PDE11A: variants seen among roughly 807,000 people sequenced by gnomAD.
The protein encoded by PDE11A is phosphodiesterase 11A.
Under a neutral mutation model 100.5 loss-of-function variants are expected in PDE11A, and 100 were observed. The observed-to-expected ratio is 1.00, with a 90% CI of 0.85 to 1.18. The LOEUF (loss-of-function observed/expected upper bound fraction) is 1.18, where lower values mean the gene tolerates loss of function less well. Among genes scored for constraint, PDE11A ranks in the 50% most tolerant of loss-of-function variants. PDE11A has a pLI of 0.00. For missense variants in PDE11A, 1,141 were observed against 1,152.6 expected (o/e 0.99, Z 0.15); for synonymous variants, 381 against 420.8 (o/e 0.91, Z 1.16).
chr2:178,097,933 A>T (rs1466626082), intron 2 of PDE11A, among the ~76,000 whole-genome samples: 2 of 152,246 alleles, frequency 1.3e-5, no homozygotes, highest in African/African-American at 4.8e-5. Flanking sequence ...AAAGGCACTG[A>T]ATCTATCAAT....
intron 2 of PDE11A, among the ~76,000 whole-genome samples, chr2:177,949,261 C>G (rs1002441499): frequency 6.8e-6 from 1 of 147,264 alleles, no homozygotes; most frequent in East Asian, 2.0e-4. Flanking sequence ...AAATACATCT[C>G]TAGTTTAAAA....
chr2:177,997,488 T>C, intron 2 of PDE11A: 1 of 808,000 alleles, frequency 1.2e-6, no homozygotes, highest in South Asian at 1.4e-5. Context: ...AAGAGATCCT[T>C]GATTAAAACA....
At chr2:178,054,086 C>T (rs988255706) in intron 1 of PDE11A, among the ~76,000 whole-genome samples, 13 of 151,804 alleles carry the variant, frequency 8.6e-5, no homozygotes, top group Admixed American at 8.5e-4. Flanking sequence ...AAGCTGGAGG[C>T]GTCGCGCTAC....
chr2:178,025,600 C>T (rs1172782081), intron 1 of PDE11A, among the ~76,000 whole-genome samples: 1 of 152,030 alleles, frequency 6.6e-6, no homozygotes, highest in Non-Finnish European at 1.5e-5. Flanking sequence ...AAGACCCACA[C>T]CACACTTGAA....
At chr2:178,090,907 C>T (rs956039526) in intron 2 of PDE11A, among the ~76,000 whole-genome samples, 5 of 152,110 alleles carry the variant, frequency 3.3e-5, no homozygotes, top group Admixed American at 3.3e-4. Flanking sequence ...CACTGGGCTC[C>T]ATGAGGAGCG....
At chr2:178,039,885 A>G (rs184485253) in intron 1 of PDE11A, among the ~76,000 whole-genome samples, 1 of 152,252 alleles carries the variant, frequency 6.6e-6, no homozygotes. Flanking sequence ...ACAAAGTTCA[A>G]AAGCAGGCAA....
intron 19 of PDE11A, among the ~76,000 whole-genome samples, chr2:177,646,425 C>A (rs10497493): frequency 6.6e-6 from 1 of 152,082 alleles, no homozygotes; most frequent in South Asian, 2.1e-4. Context: ...TCATATGTGA[C>A]CTGATTACAA....
chr2:177,855,055 T>C (rs1308119724), intron 5 of PDE11A, among the ~76,000 whole-genome samples: 4 of 152,154 alleles, frequency 2.6e-5, no homozygotes, highest in Non-Finnish European at 4.4e-5. Flanking sequence ...TATAAAGGTT[T>C]TCTTCATTTC....
intron 2 of PDE11A, among the ~76,000 whole-genome samples, chr2:177,933,297 T>C (rs1012993684): frequency 6.6e-6 from 1 of 152,148 alleles, no homozygotes; most frequent in Non-Finnish European, 1.5e-5. Context: ...AAACTACCAA[T>C]GTCATTTTTC....
At chr2:177,672,966 G>A (rs3821006) in intron 17 of PDE11A, among the ~76,000 whole-genome samples, 87,803 of 152,006 alleles carry the variant, frequency 0.58, 29,715 homozygotes, top group Non-Finnish European at 0.72. Context: ...AAAATGGCTC[G>A]ATTAAATGAT....
chr2:178,084,218 A>G (rs777048479), intron 2 of PDE11A, among the ~76,000 whole-genome samples: 1 of 152,236 alleles, frequency 6.6e-6, no homozygotes, highest in African/African-American at 2.4e-5. Flanking sequence ...AGGTAAAAAG[A>G]CCATGTTTAT....
rs535707972 is a variant in PDE11A at position 177,784,927 on chromosome 2, ATC to A, written c.1738-15556_1738-15555del. Among the ~76,000 whole-genome samples the A allele has an allele frequency of 8.5e-5, 13 of 152,324 alleles. No individual in the cohort carries two copies. The South Asian group carries it at 2.7e-3, about 32-fold the overall frequency. ...TTGCAGGGGTCAGTGGTAGGATTTA[ATC>A]TGTTTATACGGATTAACTGCTGTAT... On this transcript the variant is annotated intron_variant, in intron 9 of 19. Coordinates refer to ENST00000286063, the MANE Select transcript of PDE11A (RefSeq NM_016953.4).
intron 1 of PDE11A, among the ~76,000 whole-genome samples, chr2:178,037,643 T>C (rs989340664): frequency 2.0e-5 from 3 of 152,122 alleles, no homozygotes; most frequent in Non-Finnish European, 4.4e-5. Flanking sequence ...AATGATAGAC[T>C]GGATAAAGAA....
chr2:177,944,752 C>A (rs1357918897), intron 2 of PDE11A, among the ~76,000 whole-genome samples: 1 of 151,746 alleles, frequency 6.6e-6, no homozygotes, highest in Non-Finnish European at 1.5e-5. Flanking sequence ...GAGCGTGGAG[C>A]CTCCGAGGCC....
chr2:177,913,455 TAAAAG>T (rs925193250), intron 2 of PDE11A, among the ~76,000 whole-genome samples: 23 of 152,074 alleles, frequency 1.5e-4, no homozygotes, highest in Admixed American at 1.2e-3. Flanking sequence ...TACTTTTTGC[TAAAAG>T]AAAACAGTAG....
chr2:177,944,010 G>A (rs2085374821), intron 2 of PDE11A, among the ~76,000 whole-genome samples: 1 of 152,180 alleles, frequency 6.6e-6, no homozygotes, highest in South Asian at 2.1e-4. Context: ...ACATTCAGAA[G>A]TTAATGTTGA....
chr2:177,850,688 AG>A (rs2083685353), intron 5 of PDE11A, among the ~76,000 whole-genome samples: 3 of 152,346 alleles, frequency 2.0e-5, no homozygotes, highest in African/African-American at 7.2e-5. Context: ...CAAATTTACA[AG>A]AAAAAAACAA....
chr2:177,834,547 C>T (rs2083362034), intron 6 of PDE11A, among the ~76,000 whole-genome samples: 2 of 152,228 alleles, frequency 1.3e-5, no homozygotes, highest in East Asian at 1.9e-4. Context: ...CTGCCCCACT[C>T]CCCTCCTGTC....
chr2:177,932,244 A>C (rs77541562), intron 2 of PDE11A, among the ~76,000 whole-genome samples: 1,783 of 152,318 alleles, frequency 0.012, 35 homozygotes, highest in African/African-American at 0.041. Context: ...AAGAGCTGGT[A>C]CCAATTCTAC....
Sources: allele counts gnomAD v4.1 joint callset (sites outside exome capture counted in the v4.1 genomes callset), GRCh38; gene constraint gnomAD v4.1.1; transcripts MANE v1.5; gene names NCBI Gene and HGNC (gene_info 2026-07-23, HGNC 2026-07-21).